The following TLL2 variants were observed in gnomAD, a reference collection of about 807,000 sequenced individuals.
The protein encoded by TLL2 is tolloid-like protein 2.
Under a neutral mutation model 123.0 loss-of-function variants are expected in TLL2, and 106 were observed. That is an observed-to-expected ratio of 0.86 (90% CI 0.74 to 1.01). TLL2 has a LOEUF of 1.01. Among genes scored for constraint, TLL2 ranks in the 50% least tolerant of loss-of-function variants. The pLI, the probability that TLL2 is intolerant of heterozygous loss-of-function variation, is 0.00. For missense variants in TLL2, 1,332 were observed against 1,336.7 expected, an observed-to-expected ratio of 1.00 and a Z score of 0.06; for synonymous variants, 494 against 516.8, an observed-to-expected ratio of 0.96 and a Z score of 0.60.
At chr10:96,371,426 C>T (rs1378845544) in intron 19 of TLL2, among the ~76,000 whole-genome samples, 1 of 152,228 alleles carries the variant, frequency 6.6e-6, no homozygotes, top group African/African-American at 2.4e-5. Context: ...AGCCCCTCCC[C>T]AGTGTGCTCC....
In TLL2 at chr10:96,395,988, C is replaced by T. The variant is rs200022958; in HGVS notation, c.1417G>A (p.Gly473Ser). Residue 473 changes from glycine to serine, a missense_variant, in exon 12 of 21, where the codon GGT becomes AGT. Gly to Ser is a moderately conservative substitution (Grantham distance 56). Transcript: ENST00000357947. ...GGATAGTTGGGAGATTGAATCTGAC[C>T]GGCATCTTTGTTCATGTCTCCCCCG... ...TCGGDMNKDA[G>S]QIQSPNYPDD... The T allele has an allele frequency of 4.7e-5, 76 of 1,613,964 alleles. No homozygotes were observed. In the Admixed American group the frequency reaches 7.3e-4, roughly 16 times the overall value.
At chr10:96,454,574 T>C (rs979830976) in intron 2 of TLL2, among the ~76,000 whole-genome samples, 8 of 152,186 alleles carry the variant, frequency 5.3e-5, no homozygotes, top group Non-Finnish European at 1.0e-4. Flanking sequence ...CCTCCAGTTC[T>C]CCCCTGGCCC....
At chr10:96,503,649 A>G (rs1278853161) in intron 1 of TLL2, among the ~76,000 whole-genome samples, 1 of 152,156 alleles carries the variant, frequency 6.6e-6, no homozygotes, top group African/African-American at 2.4e-5. Flanking sequence ...CTGACCTGAT[A>G]CCCATGCACT....
chr10:96,466,462 T>C (rs1451911971), intron 2 of TLL2, among the ~76,000 whole-genome samples: 1 of 152,166 alleles, frequency 6.6e-6, no homozygotes, highest in Non-Finnish European at 1.5e-5. Context: ...GGTACCAGGA[T>C]GGGGAGCCTC....
chr10:96,434,698 A>T (rs1846776102), intron 3 of TLL2, among the ~76,000 whole-genome samples: 1 of 152,178 alleles, frequency 6.6e-6, no homozygotes, highest in Admixed American at 6.5e-5. Flanking sequence ...TCTTGGGTAC[A>T]TGCCTGGGGT....
At chr10:96,410,000 AAGAAT>A in intron 9 of TLL2, among the ~76,000 whole-genome samples, 1 of 152,110 alleles carries the variant, frequency 6.6e-6, no homozygotes. Flanking sequence ...GGCTGGGGGG[AAGAAT>A]AGCCAGCTGT....
chr10:96,467,202 A>G (rs1847140221), intron 2 of TLL2, among the ~76,000 whole-genome samples: 1 of 152,006 alleles, frequency 6.6e-6, no homozygotes, highest in Non-Finnish European at 1.5e-5. Context: ...TGGGGGAGGT[A>G]TTTTTTTAGA....
intron 2 of TLL2, among the ~76,000 whole-genome samples, chr10:96,455,299 GT>G (rs1178534773): frequency 6.6e-6 from 1 of 152,110 alleles, no homozygotes; most frequent in African/African-American, 2.4e-5. Context: ...AAGTGACTAG[GT>G]TATATGGAGT....
chr10:96,476,240 A>ATATATATATATATATATTTTTTTTTT lies in TLL2; in HGVS notation c.286+4108_286+4109insAAAAAAAAAATATATATATATATATA. ...TTTATATGTATATATATATATATAT[A>ATATATATATATATATATTTTTTTTTT]TTTTATTTTTGTTGTTGTTGTTGTT... On this transcript the variant is annotated intron_variant, in intron 2 of 20. Coordinates refer to ENST00000357947, the MANE Select transcript of TLL2 (RefSeq NM_012465.4). 7.8e-4 allele frequency among the ~76,000 whole-genome samples: 16 copies of ATATATATATATATATATTTTTTTTTT among 20,462 alleles called. 3 individuals carry two copies. The highest frequency in any genetic ancestry group is 2.2e-3 in the East Asian group (1 of 464). 13.4% of individuals were successfully genotyped at this position (20,462 alleles called of 152,430 possible). A position where few individuals can be genotyped will look rare whatever the true frequency, so the allele number is the denominator to read the frequency against.
intron 6 of TLL2, 140 bp from the exon 7 acceptor site, chr10:96,421,201 T>C (rs3789954): frequency 0.33 from 206,324 of 623,894 alleles, 35,277 homozygotes; most frequent in Non-Finnish European, 0.36. Flanking sequence ...CTTGTAGTGG[T>C]TCTTGTTGTT....
chr10:96,383,757 A>G (rs569565375), intron 16 of TLL2, among the ~76,000 whole-genome samples: 1 of 150,784 alleles, frequency 6.6e-6, no homozygotes, highest in Non-Finnish European at 1.5e-5. Flanking sequence ...AGTAGCTGGG[A>G]TTACAGGCAC....
chr10:96,502,336 A>G (rs1368889082), intron 1 of TLL2, among the ~76,000 whole-genome samples: 3 of 152,238 alleles, frequency 2.0e-5, no homozygotes, highest in Non-Finnish European at 2.9e-5. Context: ...GTGATCACAC[A>G]TGAGTTTGAG....
In TLL2 at chr10:96,397,053, C is replaced by G; in HGVS notation, c.1384+133G>C. The G allele has an allele frequency of 5.7e-6, 4 of 704,496 alleles. No homozygotes were observed. The Admixed American group carries it at 1.1e-4, about 19-fold the overall frequency. The allele number at this position is 704,496 out of a possible 1,614,324, so 43.6% of individuals were successfully genotyped here. On this transcript the variant is annotated intron_variant, in intron 11 of 20. Coordinates refer to ENST00000357947, the MANE Select transcript of TLL2 (RefSeq NM_012465.4). ...GAGGGGCTGTGGAATCCTCAGCTTGCCCCCTGTGGTGGCTGCCCCCACCCC... is the reference window on the plus strand; with the variant it reads ...GAGGGGCTGTGGAATCCTCAGCTTGGCCCCTGTGGTGGCTGCCCCCACCCC...
intron 19 of TLL2, 80 bp from the exon 20 acceptor site, chr10:96,370,395 A>G: frequency 6.8e-7 from 1 of 1,477,800 alleles, no homozygotes. Context: ...GGCTTTCTCT[A>G]CAGAGCCTGG....
chr10:96,428,878 C>G, intron 4 of TLL2, 130 bp from the exon 5 acceptor site: 1 of 595,116 alleles, frequency 1.7e-6, no homozygotes, highest in Non-Finnish European at 2.9e-6. Context: ...GATCTCGGCT[C>G]ACTGCAACTT....
chr10:96,433,090 G>C (rs1216180331), intron 3 of TLL2, 128 bp from the exon 4 acceptor site: 33 of 1,304,878 alleles, frequency 2.5e-5, no homozygotes, highest in Non-Finnish European at 3.4e-5. Flanking sequence ...TATTTCATCA[G>C]TTCAGGGTTT....
At chr10:96,406,610 C>A (rs1846453176) in intron 9 of TLL2, among the ~76,000 whole-genome samples, 1 of 152,148 alleles carries the variant, frequency 6.6e-6, no homozygotes, top group Non-Finnish European at 1.5e-5. Flanking sequence ...CCCATTCCCT[C>A]CCCACCAAAT....
At chr10:96,380,485 T>C (rs758554929) in intron 16 of TLL2, among the ~76,000 whole-genome samples, 23 of 152,000 alleles carry the variant, frequency 1.5e-4, no homozygotes, top group Non-Finnish European at 2.6e-4. Context: ...GAGACCATCC[T>C]GGCTAACACG....
At chr10:96,485,835 C>T (rs1366821223) in intron 1 of TLL2, among the ~76,000 whole-genome samples, 1 of 152,208 alleles carries the variant, frequency 6.6e-6, no homozygotes, top group Non-Finnish European at 1.5e-5. Context: ...TTTCCCACTT[C>T]CCTGAAGATT....
Sources: allele counts gnomAD v4.1 joint callset (sites outside exome capture counted in the v4.1 genomes callset), GRCh38; gene constraint gnomAD v4.1.1; transcripts MANE v1.5; gene names NCBI Gene and HGNC (gene_info 2026-07-23, HGNC 2026-07-21).